Variants in IFITM10 observed in about 807,000 individuals in gnomAD.
IFITM10 encodes the protein interferon-induced transmembrane protein 10.
In IFITM10, 17 loss-of-function variants were observed where a neutral mutation model predicts 19.0. The observed-to-expected ratio is 0.90, with a 90% CI of 0.61 to 1.34. The LOEUF (loss-of-function observed/expected upper bound fraction) is 1.34, where lower values mean the gene tolerates loss of function less well. Among genes scored for constraint, IFITM10 ranks in the 40% most tolerant of loss-of-function variants. The pLI is 0.00. For synonymous variants in IFITM10, 148 were observed against 147.2 expected, an observed-to-expected ratio of 1.01 and a Z score of -0.04; for missense variants, 306 against 319.8, an observed-to-expected ratio of 0.96 and a Z score of 0.33.
chr11:1,747,460 C>G (rs1845664082), intron 2 of IFITM10, among the ~76,000 whole-genome samples: 1 of 152,148 alleles, frequency 6.6e-6, no homozygotes, highest in Non-Finnish European at 1.5e-5. Flanking sequence ...GACCCCTGCC[C>G]GCCCAGACCT....
At chr11:1,748,288 C>T in intron 1 of IFITM10, 169 bp from the exon 2 acceptor site, 1 of 469,472 alleles carries the variant, frequency 2.1e-6, no homozygotes. Context: ...TCGGCGGCCA[C>T]GGACGATGCC....
rs910345983 is a variant in IFITM10 at position 1,733,537 on chromosome 11, TGCCACG to T, written c.*1737_*1742del. The T allele has an allele frequency of 1.3e-5, 2 of 152,578 alleles. No individual in the cohort carries two copies. Among genetic ancestry groups the T allele is most frequent in the Non-Finnish European group, 2.9e-5 (2 of 68,288 alleles). 9.5% of individuals were successfully genotyped at this position (152,578 alleles called of 1,614,324 possible). On this transcript the variant is annotated 3_prime_UTR_variant, in exon 3 of 3. Coordinates refer to ENST00000340134, the MANE Select transcript of IFITM10 (RefSeq NM_001170820.4). This position sits in a 1 kb window ranked among gnomAD's most constrained non-coding sequence, Gnocchi z 6.3. ...ACCAGAATCTTGCTCGCTGCACTCC[TGCCACG>T]GCTGTGCCCTGTCCCCTGCGTTTGT...
chr11:1,746,679 T>G, intron 2 of IFITM10: 1 of 398,630 alleles, frequency 2.5e-6, no homozygotes, highest in Non-Finnish European at 4.4e-6. Context: ...TGGCCAGGCG[T>G]CCTTCCTCCC....
chr11:1,745,838 A>G (rs1197410281), intron 2 of IFITM10: 1 of 151,186 alleles, frequency 6.6e-6, no homozygotes, highest in Non-Finnish European at 1.5e-5. Flanking sequence ...ACACCCGTGC[A>G]CACACATTTA....
chr11:1,748,136 G>A lies in IFITM10; in HGVS notation c.85-17C>T. On this transcript the variant is annotated splice_polypyrimidine_tract_variant and intron_variant, in intron 1 of 2. Coordinates refer to ENST00000340134, the MANE Select transcript of IFITM10 (RefSeq NM_001170820.4). ...GCCCTGGGCCTGGAGAGGAGAAAGTGAGAGCAAGCTGGGCCCGGCCTACCG... is the reference window on the plus strand; with the variant it reads ...GCCCTGGGCCTGGAGAGGAGAAAGTAAGAGCAAGCTGGGCCCGGCCTACCG... 1 of 1,348,668 alleles carries A rather than the reference G, an allele frequency of 7.4e-7. No homozygotes were observed. Among genetic ancestry groups the A allele is most frequent in the South Asian group, 2.0e-5 (1 of 51,264 alleles). 83.5% of individuals were successfully genotyped at this position (1,348,668 alleles called of 1,614,324 possible).
At position 1,735,220 on chromosome 11, in the gene IFITM10, G is replaced by A; in HGVS notation, c.*60C>T. ...ACCTCATGGGATCCTGCGTTTCAGG[G>A]ACCATGAGAATAAACATGTCTCAGT... On this transcript the variant is annotated 3_prime_UTR_variant, in exon 3 of 3. Transcript: ENST00000340134. 1.3e-6 allele frequency: 2 copies of A among 1,521,424 alleles called. No homozygotes were observed. The highest frequency in any genetic ancestry group is 1.8e-6 in the Non-Finnish European group (2 of 1,124,086). 94.2% of individuals were successfully genotyped at this position (1,521,424 alleles called of 1,614,324 possible).
chr11:1,748,942 G>A (rs1233350223), intron 1 of IFITM10: 5 of 680,122 alleles, frequency 7.4e-6, no homozygotes, highest in Admixed American at 6.3e-5. Flanking sequence ...TCGCCGGGGG[G>A]TCTGCGGCCG....
chr11:1,735,107 C>G lies in IFITM10; in HGVS notation c.*173G>C, dbSNP rs1007881966. 1.6e-6 allele frequency: 1 copy of G among 637,198 alleles called. No homozygotes were observed. Among genetic ancestry groups the G allele is most frequent in the Admixed American group, 3.0e-5 (1 of 33,530 alleles). The allele number at this position is 637,198 out of a possible 1,614,324, so 39.5% of individuals were successfully genotyped here. ...GGTGGACTGAGGGCCAAGCTCACTG[C>G]CCCCTTGCTGTACTCAGCTTCTGAT... On this transcript the variant is annotated 3_prime_UTR_variant, in exon 3 of 3. Coordinates refer to ENST00000340134, the MANE Select transcript of IFITM10 (RefSeq NM_001170820.4).
chr11:1,735,477 G>A (rs1309228705), intron 2 of IFITM10, 48 bp from the exon 3 acceptor site: 1 of 1,530,598 alleles, frequency 6.5e-7, no homozygotes, highest in Non-Finnish European at 8.8e-7. Flanking sequence ...CAGGGAGCAG[G>A]GCCTTGGAGC....
At chr11:1,741,341 G>A (rs144258022) in intron 2 of IFITM10, among the ~76,000 whole-genome samples, 246 of 151,764 alleles carry the variant, frequency 1.6e-3, no homozygotes, top group Middle Eastern at 3.4e-3. Context: ...AGGGTGCTAG[G>A]TGGCGGAATG....
chr11:1,737,089 G>C (rs1851095268), intron 2 of IFITM10, among the ~76,000 whole-genome samples: 1 of 152,142 alleles, frequency 6.6e-6, no homozygotes. Flanking sequence ...AATGAAATTT[G>C]TATTCCTTTA....
Position 1,733,426 on chromosome 11 carries a change from C to T in IFITM10, c.*1854G>A, listed in dbSNP as rs147943375. 1 of 152,346 alleles carries T rather than the reference C, an allele frequency of 6.6e-6. No homozygotes were observed. Among genetic ancestry groups the T allele is most frequent in the Non-Finnish European group, 1.5e-5 (1 of 68,216 alleles). 9.4% of individuals were successfully genotyped at this position (152,346 alleles called of 1,614,324 possible). Reference sequence around the variant, plus strand: ...CCTCTTCCCTGAGCACCCCCTCCATCCACCTCTGCCTGGGCTGCACCCCAG... The same window carrying T: ...CCTCTTCCCTGAGCACCCCCTCCATTCACCTCTGCCTGGGCTGCACCCCAG... On this transcript the variant is annotated 3_prime_UTR_variant, in exon 3 of 3. Transcript: ENST00000340134. This position sits in a 1 kb window ranked among gnomAD's most constrained non-coding sequence, Gnocchi z 6.3.
intron 2 of IFITM10, 89 bp downstream of exon 2, chr11:1,747,578 G>C (rs780819040): frequency 1.4e-5 from 17 of 1,172,818 alleles, no homozygotes; most frequent in Non-Finnish European, 2.0e-5. Flanking sequence ...CCCTGAGAGG[G>C]AGAGGGGCCG....
intron 1 of IFITM10, among the ~76,000 whole-genome samples, chr11:1,749,793 G>C (rs571424708): frequency 6.6e-6 from 1 of 151,830 alleles, no homozygotes; most frequent in Non-Finnish European, 1.5e-5. Flanking sequence ...CAGGCCTTCC[G>C]GTAAGTTTCA....
Position 1,732,946 on chromosome 11 carries a change from GA to G in IFITM10, c.*2333del, listed in dbSNP as rs1851043387. ...CAAATGTTTAAGGAAAATAGGCAAA[GA>G]AAGCATTTGCCCCTCTACTTTCTTC... On this transcript the variant is annotated 3_prime_UTR_variant, in exon 3 of 3. Transcript: ENST00000340134. 1.3e-5 allele frequency: 2 copies of G among 152,270 alleles called. No homozygotes were observed. The highest frequency in any genetic ancestry group is 1.3e-4 in the Admixed American group (2 of 15,278). The allele number at this position is 152,270 out of a possible 1,614,324, so 9.4% of individuals were successfully genotyped here. A position where few individuals can be genotyped will look rare whatever the true frequency, so the allele number is the denominator to read the frequency against.
intron 2 of IFITM10, among the ~76,000 whole-genome samples, chr11:1,740,299 CA>C (rs58480346): frequency 6.4e-3 from 261 of 40,998 alleles, no homozygotes; most frequent in South Asian, 0.022. Flanking sequence ...GACTCCATCT[CA>C]AAAAAAAAAA....
At position 1,746,752 on chromosome 11, in the gene IFITM10, G is replaced by T. The variant is rs1472850700; in HGVS notation, c.537+915C>A. ...CCTGTCTTCTCCCCCACCCGGCAGG[G>T]CAGCTGCATTGGTGGAGTACATCTG... On this transcript the variant is annotated intron_variant, in intron 2 of 2. Transcript: ENST00000340134. The T allele has an allele frequency of 8.8e-5, 35 of 398,800 alleles. No homozygotes were observed. The East Asian group carries it at 1.2e-3, about 14-fold the overall frequency. 24.7% of individuals were successfully genotyped at this position (398,800 alleles called of 1,614,324 possible). A position where few individuals can be genotyped will look rare whatever the true frequency, so the allele number is the denominator to read the frequency against.
At chr11:1,746,952 C>T (rs1845657617) in intron 2 of IFITM10, among the ~76,000 whole-genome samples, 1 of 152,164 alleles carries the variant, frequency 6.6e-6, no homozygotes, top group East Asian at 1.9e-4. Context: ...ACGGCTGCCC[C>T]TCTCACTGTG....
At chr11:1,750,021 C>T (rs1483234078) in intron 1 of IFITM10, among the ~76,000 whole-genome samples, 1 of 152,164 alleles carries the variant, frequency 6.6e-6, no homozygotes, top group African/African-American at 2.4e-5. Context: ...TGCTGAGGTC[C>T]TGGCTGCTAA....
Sources: gnomAD v4.1 joint callset for allele counts (sites outside exome capture counted in the v4.1 genomes callset) on GRCh38, gnomAD v4.1.1 for gene constraint, Gnocchi (gnomAD v3.1) non-coding constraint, MANE v1.5 for transcripts, NCBI Gene and HGNC (gene_info 2026-07-23, HGNC 2026-07-21) for gene names.